GHR: variants seen among roughly 807,000 people sequenced by gnomAD.
GHR encodes GH receptor.
GHR carries 35 observed loss-of-function variants against 67.1 expected under a neutral mutation model. The observed-to-expected ratio is 0.52, with a 90% CI of 0.40 to 0.69. The LOEUF (loss-of-function observed/expected upper bound fraction) is 0.69, where lower values mean the gene tolerates loss of function less well. Among genes scored for constraint, GHR ranks in the 30% least tolerant of loss-of-function variants. GHR has a pLI of 0.00. For synonymous variants in GHR, 272 were observed against 269.1 expected (o/e 1.01, Z -0.10); for missense variants, 792 against 764.6 (o/e 1.04, Z -0.42).
rs568108641 is a variant in GHR at position 42,565,505 on chromosome 5, G to T, written c.-11-359G>T. On this transcript the variant is annotated intron_variant, in intron 1 of 9. Coordinates refer to ENST00000230882, the MANE Select transcript of GHR (RefSeq NM_000163.5). ...CATGCTTTCTGATACTGCTGATAAG[G>T]TTTTCTATTTCCAGATCAAATTAAA... 1.6e-5 allele frequency: 16 copies of T among 985,236 alleles called. No individual in the cohort carries two copies. The South Asian group carries it at 6.1e-4, about 38-fold the overall frequency. 61.0% of individuals were successfully genotyped at this position (985,236 alleles called of 1,614,324 possible).
At chr5:42,674,259 C>A (rs1452873056) in intron 3 of GHR, among the ~76,000 whole-genome samples, 1 of 151,940 alleles carries the variant, frequency 6.6e-6, no homozygotes, top group Non-Finnish European at 1.5e-5. Flanking sequence ...AGTGACTGTC[C>A]AATAGAGGCT....
chr5:42,596,011 G>T (rs1199619221), intron 2 of GHR, among the ~76,000 whole-genome samples: 1 of 152,212 alleles, frequency 6.6e-6, no homozygotes, highest in Non-Finnish European at 1.5e-5. Context: ...AAATTAGAAG[G>T]GAGAAAATAT....
At chr5:42,518,361 CAT>C in intron 1 of GHR, among the ~76,000 whole-genome samples, 1 of 152,050 alleles carries the variant, frequency 6.6e-6, no homozygotes, top group African/African-American at 2.4e-5. Flanking sequence ...GTAGGGAAAA[CAT>C]ATGCTTAGGA....
chr5:42,592,190 T>G (rs1170295295), intron 2 of GHR, among the ~76,000 whole-genome samples: 1 of 152,218 alleles, frequency 6.6e-6, no homozygotes, highest in Non-Finnish European at 1.5e-5. Flanking sequence ...CTGCTCTTTG[T>G]GCCGAGCAGG....
intron 1 of GHR, among the ~76,000 whole-genome samples, chr5:42,533,750 G>T (rs117245175): frequency 0.017 from 2,573 of 151,628 alleles, 147 homozygotes; most frequent in East Asian, 0.12. Context: ...CTTTAGTGGT[G>T]ATTTGTGAGA....
chr5:42,622,317 C>T (rs961755206), intron 2 of GHR, among the ~76,000 whole-genome samples: 1 of 152,210 alleles, frequency 6.6e-6, no homozygotes, highest in Non-Finnish European at 1.5e-5. Flanking sequence ...TATCAAGTGC[C>T]TCCTCATGAG....
intron 2 of GHR, among the ~76,000 whole-genome samples, chr5:42,619,090 A>G (rs1561172558): frequency 6.6e-6 from 1 of 152,112 alleles, no homozygotes; most frequent in Non-Finnish European, 1.5e-5. Context: ...ACCCATCCCC[A>G]AGACCTCCCA....
At chr5:42,569,350 T>A (rs1750140999) in intron 2 of GHR, among the ~76,000 whole-genome samples, 1 of 152,180 alleles carries the variant, frequency 6.6e-6, no homozygotes. Flanking sequence ...CCAGGGTGTG[T>A]GGTACATAGG....
At chr5:42,588,526 C>CAAAAAAAAAAAAAAAAAAAAAAAAAAA (rs10716908) in intron 2 of GHR, among the ~76,000 whole-genome samples, 16 of 45,122 alleles carry the variant, frequency 3.5e-4, no homozygotes, top group African/African-American at 5.6e-4. Flanking sequence ...AACTCCATCT[C>CAAAAAAAAAAAAAAAAAAAAAAAAAAA]AAAAAAAAAA....
chr5:42,473,572 A>C (rs529020307), intron 1 of GHR, among the ~76,000 whole-genome samples: 23 of 152,190 alleles, frequency 1.5e-4, no homozygotes, highest in Admixed American at 3.3e-4. Flanking sequence ...AGCAAATTAG[A>C]AAGGTCTATT....
intron 1 of GHR, among the ~76,000 whole-genome samples, chr5:42,497,758 G>C (rs1746379673): frequency 6.6e-6 from 1 of 152,158 alleles, no homozygotes; most frequent in Non-Finnish European, 1.5e-5. Flanking sequence ...CCAAAGAACT[G>C]CTGGCTATGA....
At chr5:42,670,671 A>G (rs1371832696) in intron 3 of GHR, among the ~76,000 whole-genome samples, 1 of 152,000 alleles carries the variant, frequency 6.6e-6, no homozygotes, top group Admixed American at 6.6e-5. Context: ...AAACTACTCA[A>G]TAACAAGAAA....
intron 3 of GHR, among the ~76,000 whole-genome samples, chr5:42,673,532 A>G (rs192942038): frequency 2.7e-3 from 417 of 152,336 alleles, no homozygotes; most frequent in Middle Eastern, 6.8e-3. Flanking sequence ...TAGGTGCCCA[A>G]CAAAGGTGGA....
chr5:42,535,325 A>AT (rs1748208110), intron 1 of GHR, among the ~76,000 whole-genome samples: 1 of 152,006 alleles, frequency 6.6e-6, no homozygotes, highest in Non-Finnish European at 1.5e-5. Context: ...TCCTGAGTAG[A>AT]TTTTTTGTAT....
At chr5:42,426,693 G>A (rs1233635074) in intron 1 of GHR, among the ~76,000 whole-genome samples, 4 of 152,042 alleles carry the variant, frequency 2.6e-5, no homozygotes, top group Admixed American at 1.3e-4. Flanking sequence ...GATAAGAATC[G>A]AAGTTTGGTA....
At chr5:42,654,452 G>A (rs1755155749) in intron 3 of GHR, among the ~76,000 whole-genome samples, 1 of 152,038 alleles carries the variant, frequency 6.6e-6, no homozygotes, top group African/African-American at 2.4e-5. Flanking sequence ...ATCCAGTTCT[G>A]GTGTTTAATT....
chr5:42,611,874 C>A (rs530498535), intron 2 of GHR, among the ~76,000 whole-genome samples: 4 of 152,100 alleles, frequency 2.6e-5, no homozygotes, highest in Admixed American at 1.3e-4. Context: ...GACTCTCAAC[C>A]AATTTTAGCC....
chr5:42,686,868 G>C (rs899639651), intron 3 of GHR, among the ~76,000 whole-genome samples: 5 of 152,152 alleles, frequency 3.3e-5, no homozygotes, highest in African/African-American at 1.2e-4. Flanking sequence ...TATTCAATTA[G>C]GAAAAGAGGA....
rs192898044 is a variant in GHR at position 42,494,237 on chromosome 5, G to A, written c.-12+70282G>A. Reference sequence around the variant, plus strand: ...TTTCTAGTGTAACACTTCCCTTCCTGTTGGGCCATCGGCAACCATATCCTG... The same window carrying A: ...TTTCTAGTGTAACACTTCCCTTCCTATTGGGCCATCGGCAACCATATCCTG... On this transcript the variant is annotated intron_variant, in intron 1 of 9. Transcript: ENST00000230882. Among the ~76,000 whole-genome samples, 260 of 152,144 alleles carry A rather than the reference G, an allele frequency of 1.7e-3. 2 individuals are homozygous for A. Among genetic ancestry groups the A allele is most frequent in the Non-Finnish European group, 3.0e-3 (203 of 67,988 alleles).
Sources: allele counts gnomAD v4.1 joint callset (sites outside exome capture counted in the v4.1 genomes callset), GRCh38; gene constraint gnomAD v4.1.1; transcripts MANE v1.5; gene names NCBI Gene and HGNC (gene_info 2026-07-23, HGNC 2026-07-21).